The following ZNF516 variants were observed in gnomAD, a reference collection of about 807,000 sequenced individuals.
The protein encoded by ZNF516 is zinc finger protein 516.
A neutral mutation model predicts 79.7 loss-of-function variants in ZNF516; 19 were observed. The observed-to-expected ratio is 0.24, with a 90% confidence interval of 0.17 to 0.35. The LOEUF (loss-of-function observed/expected upper bound fraction) is 0.35, where lower values mean the gene tolerates loss of function less well. Among genes scored for constraint, ZNF516 ranks in the 10% least tolerant of loss-of-function variants. The pLI is 1.00. For missense variants in ZNF516, 1,678 were observed against 1,679.5 expected, an observed-to-expected ratio of 1.00 and a Z score of 0.02; for synonymous variants, 877 against 739.5, an observed-to-expected ratio of 1.19 and a Z score of -3.02.
intron 3 of ZNF516, among the ~76,000 whole-genome samples, chr18:76,423,792 C>A (rs1599064964): frequency 2.0e-5 from 3 of 149,296 alleles, no homozygotes; most frequent in South Asian, 2.1e-4. Context: ...TGAAAAGGTT[C>A]CCCCATGAAA....
intron 3 of ZNF516, among the ~76,000 whole-genome samples, chr18:76,408,251 T>C (rs973638613): frequency 2.0e-5 from 3 of 152,158 alleles, no homozygotes; most frequent in Non-Finnish European, 2.9e-5. Context: ...CCCGCTGTTA[T>C]TGGAAGGCTG....
At chr18:76,441,214 G>T (rs775418962) in intron 3 of ZNF516, 31 bp downstream of exon 3, 2 of 1,593,388 alleles carry the variant, frequency 1.3e-6, no homozygotes, top group Admixed American at 3.5e-5. Flanking sequence ...TGGGATCCCA[G>T]GACCCAGGCC....
intron 3 of ZNF516, chr18:76,386,368 G>A (rs763948324): frequency 6.6e-6 from 1 of 152,162 alleles, no homozygotes; most frequent in South Asian, 2.1e-4. Flanking sequence ...GGAGTGAGAA[G>A]TGAATGAACA....
Position 76,493,332 on chromosome 18 carries a change from G to GGGGGC in ZNF516, c.-272+1811_-272+1812insGCCCC, listed in dbSNP as rs1555723377. 2 of 3,174 alleles carry GGGGGC rather than the reference G, an allele frequency of 6.3e-4. No individual in the cohort carries two copies. Among genetic ancestry groups the GGGGGC allele is most frequent in the South Asian group, 0.02 (1 of 50 alleles). The allele number at this position is 3,174 out of a possible 1,614,324, so 0.2% of individuals were successfully genotyped here. ...AGGAGGGGTCATTCCGCGGGGGGCG[G>GGGGGC]GGGGGGGGGCGGGGGCCGACGCAGG... On this transcript the variant is annotated intron_variant, in intron 1 of 6. Coordinates refer to ENST00000443185, the MANE Select transcript of ZNF516 (RefSeq NM_014643.4). The surrounding 1 kb of genome is among the most constrained non-coding windows in gnomAD (Gnocchi z 5.2).
intron 3 of ZNF516, among the ~76,000 whole-genome samples, chr18:76,409,319 T>C (rs760224192): frequency 8.5e-5 from 13 of 152,218 alleles, no homozygotes; most frequent in Non-Finnish European, 1.9e-4. Flanking sequence ...AATCACAAAA[T>C]ATTCATTATT....
At chr18:76,476,494 G>C (rs1914181551) in intron 1 of ZNF516, among the ~76,000 whole-genome samples, 1 of 152,208 alleles carries the variant, frequency 6.6e-6, no homozygotes, top group African/African-American at 2.4e-5. Flanking sequence ...TCCACATCCA[G>C]GAGTTGCAGG....
chr18:76,471,642 C>T (rs1282186416), intron 1 of ZNF516, among the ~76,000 whole-genome samples: 1 of 152,188 alleles, frequency 6.6e-6, no homozygotes, highest in Admixed American at 6.5e-5. Context: ...AGGCACCAGT[C>T]GGGGCCTCAC....
intron 4 of ZNF516, among the ~76,000 whole-genome samples, chr18:76,374,494 T>C (rs2074755467): frequency 6.6e-6 from 1 of 152,226 alleles, no homozygotes. Flanking sequence ...TCTTCATATC[T>C]ACAGAAACAT....
At chr18:76,407,475 A>G (rs1280511933) in intron 3 of ZNF516, among the ~76,000 whole-genome samples, 2 of 152,126 alleles carry the variant, frequency 1.3e-5, no homozygotes, top group Non-Finnish European at 2.9e-5. Context: ...CGCAGGTTCA[A>G]TGTCGGGACA....
In ZNF516 at chr18:76,477,241, CA is replaced by C. The variant is rs1164008463; in HGVS notation, c.-271-14101del. Among the ~76,000 whole-genome samples, 4 of 152,150 alleles carry C rather than the reference CA, an allele frequency of 2.6e-5. No individual in the cohort carries two copies. The East Asian group carries it at 7.7e-4, about 29-fold the overall frequency. On this transcript the variant is annotated intron_variant, in intron 1 of 6. Coordinates refer to ENST00000443185, the MANE Select transcript of ZNF516 (RefSeq NM_014643.4). ...TGATACTGCAATTCCACAAGTCAGACAGGAAACAGAATTCTAGTTTGTTTCA... is the reference window on the plus strand; with the variant it reads ...TGATACTGCAATTCCACAAGTCAGACGGAAACAGAATTCTAGTTTGTTTCA...
chr18:76,461,106 CG>C (rs1174548456), intron 2 of ZNF516, among the ~76,000 whole-genome samples: 1 of 152,168 alleles, frequency 6.6e-6, no homozygotes, highest in African/African-American at 2.4e-5. Flanking sequence ...CGCTTGAACC[CG>C]GGAGCCGGAG....
At position 76,379,483 on chromosome 18, in the gene ZNF516, C is replaced by T. The variant is rs550798966; in HGVS notation, c.2631G>A (p.Leu877=). The change falls in exon 4 of 7, where the codon CTG becomes CTA. Residue 877 remains leucine, a synonymous_variant. Transcript: ENST00000443185. ...GATACCCGTCAGGGCCGGGCGCCCA[C>T]AGAGCGCAGGGACCTCCGGAATGGC... ...KESHSGGPCA[L]WAPGPDGYRQ... is the part of the protein sequence containing the mutation. The T allele has an allele frequency of 3.3e-5, 54 of 1,613,716 alleles. No homozygotes were observed. The South Asian group carries it at 5.8e-4, about 17-fold the overall frequency.
At chr18:76,411,299 T>G (rs912972415) in intron 3 of ZNF516, among the ~76,000 whole-genome samples, 8 of 152,218 alleles carry the variant, frequency 5.3e-5, no homozygotes. Context: ...AATGCCTCAC[T>G]GCACCCCAGC....
At chr18:76,458,699 T>C (rs1241842688) in intron 2 of ZNF516, among the ~76,000 whole-genome samples, 1 of 142,742 alleles carries the variant, frequency 7.0e-6, no homozygotes, top group Non-Finnish European at 1.5e-5. Flanking sequence ...CCGTCGTGTG[T>C]GCGTGCCTCA....
chr18:76,374,257 G>T (rs1202818393), intron 4 of ZNF516, among the ~76,000 whole-genome samples: 3 of 152,162 alleles, frequency 2.0e-5, no homozygotes, highest in South Asian at 2.1e-4. Flanking sequence ...CATACTATCA[G>T]ATCATCTAGA....
At chr18:76,461,274 T>C (rs1384367371) in intron 2 of ZNF516, among the ~76,000 whole-genome samples, 1 of 152,236 alleles carries the variant, frequency 6.6e-6, no homozygotes, top group Non-Finnish European at 1.5e-5. Context: ...CCGTCATCAC[T>C]GCACACTGAC....
At chr18:76,420,227 G>A (rs2075489085) in intron 3 of ZNF516, among the ~76,000 whole-genome samples, 1 of 152,244 alleles carries the variant, frequency 6.6e-6, no homozygotes, top group African/African-American at 2.4e-5. Context: ...TAAGTAAGCA[G>A]CTGGAGATGG....
intron 3 of ZNF516, among the ~76,000 whole-genome samples, chr18:76,409,329 T>TGAAATTAATTAAAATGTATTATC (rs2075343880): frequency 6.6e-6 from 1 of 152,254 alleles, no homozygotes; most frequent in Admixed American, 6.5e-5. Context: ...TATTCATTAT[T>TGAAATTAATTAAAATGTATTATC]GAAATTAATT....
intron 3 of ZNF516, among the ~76,000 whole-genome samples, chr18:76,434,437 G>A (rs539813770): frequency 1.2e-4 from 19 of 152,306 alleles, no homozygotes; most frequent in Admixed American, 7.2e-4. Flanking sequence ...AAAGAGAAAA[G>A]GCTGAAAACT....
Sources: gnomAD v4.1 joint callset for allele counts (sites outside exome capture counted in the v4.1 genomes callset) on GRCh38, gnomAD v4.1.1 for gene constraint, Gnocchi (gnomAD v3.1) non-coding constraint, MANE v1.5 for transcripts, NCBI Gene and HGNC (gene_info 2026-07-23, HGNC 2026-07-21) for gene names.